SEL1L3: variants seen among roughly 807,000 people sequenced by gnomAD.
SEL1L3 encodes the protein protein sel-1 homolog 3.
Under a neutral mutation model 142.8 loss-of-function variants are expected in SEL1L3, and 76 were observed. That is an observed-to-expected ratio of 0.53 (90% confidence interval 0.44 to 0.64). The LOEUF is 0.64. SEL1L3 is among the 30% of genes least tolerant of loss of function. The pLI, the probability that SEL1L3 is intolerant of heterozygous loss-of-function variation, is 0.00. For synonymous variants in SEL1L3, 504 were observed against 519.6 expected, an observed-to-expected ratio of 0.97 and a Z score of 0.41; for missense variants, 1,262 against 1,381.7, an observed-to-expected ratio of 0.91 and a Z score of 1.37.
intron 1 of SEL1L3, 106 bp from the exon 2 acceptor site, chr4:25,847,970 A>G: frequency 4.1e-6 from 3 of 737,538 alleles, no homozygotes. Flanking sequence ...ATCAATCTAC[A>G]TAAAGCAATG....
chr4:25,763,786 G>A (rs1204449281), intron 20 of SEL1L3, among the ~76,000 whole-genome samples: 1 of 152,204 alleles, frequency 6.6e-6, no homozygotes, highest in Non-Finnish European at 1.5e-5. Context: ...GCTGCAGTGA[G>A]CTGAGTGTGC....
intron 8 of SEL1L3, among the ~76,000 whole-genome samples, chr4:25,819,313 C>T (rs549148310): frequency 2.7e-5 from 4 of 150,890 alleles, no homozygotes; most frequent in Admixed American, 6.7e-5. Context: ...CCGATGTCTT[C>T]GAGAATGAGT....
chr4:25,753,842 G>T (rs759297791), intron 23 of SEL1L3, among the ~76,000 whole-genome samples: 1 of 152,024 alleles, frequency 6.6e-6, no homozygotes, highest in Non-Finnish European at 1.5e-5. Context: ...AAATCAGCTG[G>T]GGGTGGTGGC....
intron 8 of SEL1L3, among the ~76,000 whole-genome samples, chr4:25,818,839 A>G (rs962340026): frequency 1.2e-4 from 18 of 152,212 alleles, no homozygotes; most frequent in African/African-American, 4.3e-4. Context: ...GGACCAGTAT[A>G]GCCTATTCTT....
At chr4:25,863,313 T>A, upstream of SEL1L3, 1 of 276,310 alleles carries the variant, frequency 3.6e-6, no homozygotes, top group Non-Finnish European at 6.9e-6. Context: ...TCCGGCTCCC[T>A]CTTCCTTCTC....
At chr4:25,720,832 C>T in the SEL1L3 span, 1 of 152,154 alleles carries the variant, frequency 6.6e-6, no homozygotes, top group Non-Finnish European at 1.5e-5. Context: ...TTTTGACTAC[C>T]TTCTATCTGT....
chr4:25,727,240 G>T, the SEL1L3 span, among the ~76,000 whole-genome samples: 1 of 152,036 alleles, frequency 6.6e-6, no homozygotes, highest in Non-Finnish European at 1.5e-5. Flanking sequence ...TTTTAGTAGA[G>T]ATGGAGTTTC....
chr4:25,767,909 A>C, intron 17 of SEL1L3, 79 bp from the exon 18 acceptor site: 1 of 868,772 alleles, frequency 1.2e-6, no homozygotes, highest in Non-Finnish European at 1.8e-6. Flanking sequence ...TTCAAACATA[A>C]GAGGGCACAA....
intron 1 of SEL1L3, among the ~76,000 whole-genome samples, chr4:25,852,163 T>C (rs1716951798): frequency 6.6e-6 from 1 of 152,036 alleles, no homozygotes. Context: ...AGTGGATGAG[T>C]CTGGTGACAA....
the SEL1L3 span, among the ~76,000 whole-genome samples, chr4:25,717,613 C>A: frequency 5.9e-5 from 9 of 152,130 alleles, no homozygotes; most frequent in Non-Finnish European, 1.0e-4. Context: ...TTGAAGTGAG[C>A]CAAGACTGGG....
Position 25,765,338 on chromosome 4 carries a change from A to G in SEL1L3, c.2943T>C (p.Asp981=). The part of the protein sequence containing the change: ...SVQMYAQAAL[D]GDSQGFFNLA... ...GGTTGCTGTTTACCTGGGAGTCTCC[A>G]TCCAGGGCGGCTTGGGCGTACATCT... The change falls in exon 20 of 24, where the codon GAT becomes GAC. Residue 981 remains aspartate (D), a synonymous_variant. Transcript: ENST00000399878. The G allele has an allele frequency of 4.3e-6, 7 of 1,611,908 alleles. No homozygotes were observed. The highest frequency in any genetic ancestry group is 1.7e-4 in the Middle Eastern group (1 of 6,054).
intron 10 of SEL1L3, among the ~76,000 whole-genome samples, chr4:25,803,136 T>C (rs1185649890): frequency 6.6e-6 from 1 of 152,144 alleles, no homozygotes; most frequent in African/African-American, 2.4e-5. Context: ...CCTCACACTC[T>C]CAGAATGTTT....
At chr4:25,800,052 C>T (rs1713069618) in intron 11 of SEL1L3, among the ~76,000 whole-genome samples, 4 of 152,088 alleles carry the variant, frequency 2.6e-5, no homozygotes, top group Admixed American at 2.6e-4. Context: ...AAGCAGAGTC[C>T]TACTAAAGCA....
intron 9 of SEL1L3, among the ~76,000 whole-genome samples, chr4:25,815,705 C>T (rs560382195): frequency 6.6e-6 from 1 of 152,148 alleles, no homozygotes; most frequent in African/African-American, 2.4e-5. Context: ...GGCTTCGTCA[C>T]CTCCAGACAA....
chr4:25,738,179 A>G, the SEL1L3 span, among the ~76,000 whole-genome samples: 71,511 of 152,010 alleles, frequency 0.47, 17,309 homozygotes, highest in East Asian at 0.67. Flanking sequence ...ATGAGCCACC[A>G]CACCCAGCTT....
At chr4:25,816,434 T>C (rs1244606003) in intron 9 of SEL1L3, among the ~76,000 whole-genome samples, 1 of 152,148 alleles carries the variant, frequency 6.6e-6, no homozygotes, top group Non-Finnish European at 1.5e-5. Context: ...CCTGCCTACT[T>C]GTCCTTTGTG....
chr4:25,729,368 G>A, the SEL1L3 span, among the ~76,000 whole-genome samples: 1 of 152,182 alleles, frequency 6.6e-6, no homozygotes, highest in Non-Finnish European at 1.5e-5. Flanking sequence ...TACCACGCAT[G>A]CACGTGACCA....
chr4:25,786,400 A>AC (rs955867741), intron 13 of SEL1L3, among the ~76,000 whole-genome samples: 9 of 151,884 alleles, frequency 5.9e-5, no homozygotes, highest in East Asian at 1.9e-4. Context: ...AGAATGCAGA[A>AC]CCCCCCTCTC....
At chr4:25,744,186 T>G (rs1430503531), downstream of SEL1L3, among the ~76,000 whole-genome samples, 3 of 152,112 alleles carry the variant, frequency 2.0e-5, no homozygotes, top group Non-Finnish European at 4.4e-5. Flanking sequence ...CAGCCTCCCA[T>G]GGTGTAAGGG....
Sources: allele counts gnomAD v4.1 joint callset (sites outside exome capture counted in the v4.1 genomes callset), GRCh38; gene constraint gnomAD v4.1.1; transcripts MANE v1.5; gene names NCBI Gene and HGNC (gene_info 2026-07-23, HGNC 2026-07-21).